MINK1: variants seen among roughly 807,000 people sequenced by gnomAD.
MINK1 encodes misshapen like kinase 1.
A neutral mutation model predicts 178.4 loss-of-function variants in MINK1; 46 were observed. The observed-to-expected ratio is 0.26, with a 90% CI of 0.20 to 0.33. The LOEUF (loss-of-function observed/expected upper bound fraction) is 0.33, where lower values mean the gene tolerates loss of function less well. MINK1 is among the 10% of genes least tolerant of loss of function. MINK1 has a pLI of 1.00. For synonymous variants in MINK1, 797 were observed against 709.7 expected (o/e 1.12, Z -1.96); for missense variants, 1,366 against 1,814.9 (o/e 0.75, Z 4.49).
chr17:4,853,874 C>T (rs1017509788), intron 1 of MINK1, among the ~76,000 whole-genome samples: 5 of 152,000 alleles, frequency 3.3e-5, no homozygotes, highest in Admixed American at 1.3e-4. Flanking sequence ...ATACCACCTC[C>T]GCTGCCTGAA....
At chr17:4,864,291 C>T (rs768776711) in intron 1 of MINK1, among the ~76,000 whole-genome samples, 79 of 150,480 alleles carry the variant, frequency 5.2e-4, no homozygotes, top group Non-Finnish European at 8.7e-4. Flanking sequence ...CCCAGCTACT[C>T]GGGAGGCTGA....
At position 4,893,038 on chromosome 17, in the gene MINK1, G is replaced by A. The variant is rs372885992; in HGVS notation, c.2371G>A (p.Asp791Asn). The A allele has an allele frequency of 2.5e-5, 40 of 1,575,716 alleles. No homozygotes were observed. Among genetic ancestry groups the A allele is most frequent in the African/African-American group, 2.3e-4 (17 of 73,594 alleles). The change falls in exon 20 of 32, where the codon GAC (aspartate) becomes AAC (asparagine). Residue 791 changes from aspartate (D) to asparagine (N), a missense_variant. Physicochemically the swap from Asp to Asn is conservative, Grantham distance 23 (BLOSUM62 1). Around this residue, in one of 14 missense-constraint regions of MINK1, gnomAD observed 709 missense variants for 692.3 expected, o/e 1.02. Transcript: ENST00000355280. ...CCCTGGGAATAAAGCCAAGCCCGAC[G>A]ACCACCGCTCACGGCCAGGCCGGCC... is the stretch of plus-strand genomic sequence containing the variant. ...LSPGNKAKPD[D>N]HRSRPGRPAD...
chr17:4,853,474 G>A (rs1453583811), intron 1 of MINK1, among the ~76,000 whole-genome samples: 1 of 148,348 alleles, frequency 6.7e-6, no homozygotes, highest in Non-Finnish European at 1.5e-5. Context: ...GAAGAGTGTG[G>A]TTGGTGGGGG....
At chr17:4,851,063 T>G in intron 1 of MINK1, 1 of 458,344 alleles carries the variant, frequency 2.2e-6, no homozygotes, top group Non-Finnish European at 4.4e-6. Context: ...TTCCTCTCAA[T>G]TCTACTTTTT....
At chr17:4,854,053 T>G (rs1219400073) in intron 1 of MINK1, among the ~76,000 whole-genome samples, 1 of 152,130 alleles carries the variant, frequency 6.6e-6, no homozygotes, top group Non-Finnish European at 1.5e-5. Context: ...TTTTTTAGGT[T>G]TTTCAGTTTA....
chr17:4,890,211 C>T, intron 13 of MINK1: 1 of 1,236,246 alleles, frequency 8.1e-7, no homozygotes, highest in South Asian at 1.9e-5. Flanking sequence ...ACCCCACACC[C>T]CGTCCCCCAG....
At chr17:4,871,013 C>A in intron 1 of MINK1, 1 of 302,800 alleles carries the variant, frequency 3.3e-6, no homozygotes, top group Non-Finnish European at 7.1e-6. Flanking sequence ...CACTAATCTA[C>A]TTCTCATCTC....
chr17:4,891,512 C>G lies in MINK1; in HGVS notation c.1797C>G (p.Ser599=), dbSNP rs748262682. 1 of 1,612,056 alleles carries G rather than the reference C, an allele frequency of 6.2e-7. No individual in the cohort carries two copies. The highest frequency in any genetic ancestry group is 8.5e-7 in the Non-Finnish European group (1 of 1,178,988). ...LKPYAAPVPR[S]QSLQDQPTRN... Reference sequence around the variant, plus strand: ...CATATGCAGCACCTGTACCCCGATCCCAGTCCCTGCAGGACCAGCCCACCC... The same window carrying G: ...CATATGCAGCACCTGTACCCCGATCGCAGTCCCTGCAGGACCAGCCCACCC... The change falls in exon 16 of 32, where the codon TCC becomes TCG. Residue 599 remains serine, a synonymous_variant. Coordinates refer to ENST00000355280, the MANE Select transcript of MINK1 (RefSeq NM_153827.5).
In MINK1 at chr17:4,886,862, A is replaced by G. The variant is rs1968253310; in HGVS notation, c.949+236A>G. On this transcript the variant is annotated intron_variant, in intron 10 of 31. Transcript: ENST00000355280. This position sits in a 1 kb window ranked among gnomAD's most constrained non-coding sequence, Gnocchi z 6.1. ...CCTTTCGCATCCTTACAAAAACTCC[A>G]TGCTAAGCACATGTGTGTGCGAGCA... is the stretch of plus-strand genomic sequence containing the variant. Among the ~76,000 whole-genome samples the G allele has an allele frequency of 6.6e-6, 1 of 152,202 alleles. No homozygotes were observed. Among genetic ancestry groups the G allele is most frequent in the Admixed American group, 6.5e-5 (1 of 15,284 alleles).
rs16954223 is a variant in MINK1 at position 4,858,740 on chromosome 17, A to G, written c.58-19577A>G. The stretch of plus-strand genomic sequence containing the variant: ...TCCCATTCTCTTTCCCTAGTGTCCT[A>G]TGAAATTCTCTTCTCCCGCTTCCGC... On this transcript the variant is annotated intron_variant, in intron 1 of 31. Coordinates refer to ENST00000355280, the MANE Select transcript of MINK1 (RefSeq NM_153827.5). Among the ~76,000 whole-genome samples, 6 of 152,088 alleles carry G rather than the reference A, an allele frequency of 3.9e-5. No individual in the cohort carries two copies. The South Asian group carries it at 8.3e-4, about 21-fold the overall frequency.
At chr17:4,877,875 A>G (rs1283164240) in intron 1 of MINK1, among the ~76,000 whole-genome samples, 3 of 149,084 alleles carry the variant, frequency 2.0e-5, no homozygotes, top group South Asian at 2.2e-4. Context: ...CAGTGGCGCA[A>G]TCTCAGCTCA....
chr17:4,859,317 G>A (rs1913730593), intron 1 of MINK1: 1 of 985,178 alleles, frequency 1.0e-6, no homozygotes, highest in Non-Finnish European at 1.2e-6. Flanking sequence ...TGACTCATCG[G>A]TCAGCAGAAA....
intron 1 of MINK1, among the ~76,000 whole-genome samples, chr17:4,838,155 G>A (rs1438659217): frequency 1.3e-5 from 2 of 152,172 alleles, no homozygotes; most frequent in Admixed American, 1.3e-4. Context: ...CTGGAAAATT[G>A]CAAAAGGGGA....
In MINK1 at chr17:4,885,721, G is replaced by A; in HGVS notation, c.639+108G>A. On this transcript the variant is annotated intron_variant, in intron 7 of 31. Transcript: ENST00000355280. This position sits in a 1 kb window ranked among gnomAD's most constrained non-coding sequence, Gnocchi z 5.0. ...AACAGAGGAAGGTCAGATGATGTTA[G>A]CAGTGAGGGGCTGGGGAACATCTTA... 6.7e-7 allele frequency: 1 copy of A among 1,491,072 alleles called. No individual in the cohort carries two copies. The highest frequency in any genetic ancestry group is 1.9e-5 in the Admixed American group (1 of 52,888). The allele number at this position is 1,491,072 out of a possible 1,614,324, so 92.4% of individuals were successfully genotyped here.
Position 4,892,983 on chromosome 17 carries a change from C to G in MINK1, c.2316C>G (p.Ser772=), listed in dbSNP as rs1329888979. 2 of 1,570,108 alleles carry G rather than the reference C, an allele frequency of 1.3e-6. No individual in the cohort carries two copies. The highest frequency in any genetic ancestry group is 4.8e-5 in the East Asian group (2 of 41,520). The stretch of plus-strand genomic sequence containing the variant: ...TTCTTCCACCCTGCCGTCCAGTCTC[C>G]TCCAAACCGGACAGCTCCCCTGTGC... The part of the protein sequence containing the change: ...GSLERNRVGV[S]SKPDSSPVLS... The change falls in exon 20 of 32, where the codon TCC becomes TCG. Residue 772 remains serine, a synonymous_variant. Coordinates refer to ENST00000355280, the MANE Select transcript of MINK1 (RefSeq NM_153827.5).
intron 1 of MINK1, among the ~76,000 whole-genome samples, chr17:4,875,802 T>G (rs536447697): frequency 6.6e-6 from 1 of 151,844 alleles, no homozygotes; most frequent in South Asian, 2.1e-4. Context: ...TTAGGTTTTT[T>G]TTCCCCCCGC....
At chr17:4,839,329 G>T (rs147094449) in intron 1 of MINK1, among the ~76,000 whole-genome samples, 25 of 152,242 alleles carry the variant, frequency 1.6e-4, no homozygotes, top group African/African-American at 5.8e-4. Flanking sequence ...TGATTTCCAT[G>T]AATTACACTC....
In MINK1 at chr17:4,893,461, C is replaced by T; in HGVS notation, c.2428C>T (p.Leu810=). 6.3e-7 allele frequency: 1 copy of T among 1,593,960 alleles called. No individual in the cohort carries two copies. The change falls in exon 21 of 32, where the codon CTG becomes TTG. Residue 810 remains leucine, a synonymous_variant. Transcript: ENST00000355280. ...ADFVLLKERT[L]DEAPRPPKKA... is the part of the protein sequence containing the mutation. ...CTTTGTGTTGCTGAAAGAGCGGACT[C>T]TGGACGAGGCCCCTCGGCCTCCCAA...
chr17:4,894,537 G>A lies in MINK1; in HGVS notation c.2821G>A (p.Gly941Arg). Residue 941 changes from glycine to arginine, a missense_variant, in exon 24 of 32, where the codon GGG becomes AGG. Physicochemically the swap from Gly to Arg is moderately radical, Grantham distance 125 (BLOSUM62 -2). Transcript: ENST00000355280. The surrounding 1 kb of genome is among the most constrained non-coding windows in gnomAD (Gnocchi z 4.1). Reference protein sequence around the residue: ...KDGSGDYQSRGLVKAPGKSSF... With the variant: ...KDGSGDYQSRRLVKAPGKSSF... ...CCCCCTACCACAGTACCAGTCTCGT[G>A]GGCTGGTAAAGGCCCCTGGCAAGAG... 1 of 1,602,888 alleles carries A rather than the reference G, an allele frequency of 6.2e-7. No individual in the cohort carries two copies. Among genetic ancestry groups the A allele is most frequent in the Non-Finnish European group, 8.5e-7 (1 of 1,174,556 alleles).
Sources: gnomAD v4.1 joint callset for allele counts (sites outside exome capture counted in the v4.1 genomes callset) on GRCh38, gnomAD v4.1.1 for gene constraint, gnomAD v4.1.1 regional missense constraint, Gnocchi (gnomAD v3.1) non-coding constraint, MANE v1.5 for transcripts, NCBI Gene and HGNC (gene_info 2026-07-23, HGNC 2026-07-21) for gene names.